The following PTPN14 variants were observed in gnomAD, a reference collection of about 807,000 sequenced individuals.
The protein encoded by PTPN14 is tyrosine-protein phosphatase non-receptor type 14.
In PTPN14, 53 loss-of-function variants were observed where a neutral mutation model predicts 126.8. The ratio of observed to expected loss-of-function variants is 0.42; its 90% CI spans 0.34 to 0.53. The LOEUF (loss-of-function observed/expected upper bound fraction) is 0.53. PTPN14 is among the 20% of genes least tolerant of loss of function. PTPN14 has a pLI of 0.08. For synonymous variants in PTPN14, 630 were observed against 599.3 expected (o/e 1.05, Z -0.75); for missense variants, 1,257 against 1,552.9 (o/e 0.81, Z 3.20).
intron 2 of PTPN14, among the ~76,000 whole-genome samples, chr1:214,453,500 C>T (rs1338004205): frequency 6.6e-6 from 1 of 152,160 alleles, no homozygotes; most frequent in Non-Finnish European, 1.5e-5. Context: ...ACAACTTTTG[C>T]CCACAGGCTC....
chr1:214,433,628 G>C (rs757134439), intron 3 of PTPN14, among the ~76,000 whole-genome samples: 1 of 151,770 alleles, frequency 6.6e-6, no homozygotes, highest in Non-Finnish European at 1.5e-5. Flanking sequence ...CAAGCAGAGG[G>C]GCCATAAATA....
intron 1 of PTPN14, chr1:214,533,270 C>T (rs1011207903): frequency 4.9e-6 from 3 of 608,288 alleles, no homozygotes; most frequent in African/African-American, 3.6e-5. Context: ...GAGTGCGAGG[C>T]CCTGCTGAAC....
Position 214,383,907 on chromosome 1 carries a change from C to A in PTPN14, c.1948G>T (p.Val650Leu), listed in dbSNP as rs765218938. The A allele has an allele frequency of 6.2e-7, 1 of 1,613,446 alleles. No homozygotes were observed. Among genetic ancestry groups the A allele is most frequent in the South Asian group, 1.1e-5 (1 of 91,082 alleles). ...RHSLEVMNSM[V>L]RGMEAMTLKS... ...AGCGTCATGGCCTCCATGCCCCGCA[C>A]CATGCTGTTCATCACCTCCAGGCTG... is the stretch of plus-strand genomic sequence containing the variant. Residue 650 changes from valine (V) to leucine (L), a missense_variant, in exon 13 of 19, where the codon GTG becomes TTG. Val to Leu is a conservative substitution (Grantham distance 32). Transcript: ENST00000366956. The surrounding 1 kb of genome is among the most constrained non-coding windows in gnomAD (Gnocchi z 4.4).
chr1:214,418,241 G>A (rs964492346), intron 3 of PTPN14, among the ~76,000 whole-genome samples: 1 of 152,206 alleles, frequency 6.6e-6, no homozygotes, highest in Admixed American at 6.5e-5. Context: ...AAAGACAGCT[G>A]GGAACAGAGC....
chr1:214,465,326 G>C (rs1027701323), intron 1 of PTPN14, among the ~76,000 whole-genome samples: 3 of 152,136 alleles, frequency 2.0e-5, no homozygotes, highest in African/African-American at 7.2e-5. Context: ...AAAGTGTTAG[G>C]AGGCTGGGCG....
intron 3 of PTPN14, among the ~76,000 whole-genome samples, chr1:214,428,979 CTTG>C (rs1659738491): frequency 6.6e-6 from 1 of 152,166 alleles, no homozygotes; most frequent in South Asian, 2.1e-4. Flanking sequence ...TCTGAAGTTT[CTTG>C]TTTCTATGAA....
chr1:214,412,875 A>T (rs1659340566), intron 4 of PTPN14, among the ~76,000 whole-genome samples: 1 of 152,018 alleles, frequency 6.6e-6, no homozygotes, highest in Non-Finnish European at 1.5e-5. Flanking sequence ...TTATTTATTT[A>T]TTTACTTTTT....
intron 7 of PTPN14, among the ~76,000 whole-genome samples, chr1:214,400,209 CT>C (rs1658983267): frequency 6.6e-6 from 1 of 152,208 alleles, no homozygotes; most frequent in African/African-American, 2.4e-5. Context: ...TGCATATTTT[CT>C]TGTCTGCTTT....
intron 4 of PTPN14, among the ~76,000 whole-genome samples, chr1:214,413,711 C>G (rs1481357069): frequency 6.6e-6 from 1 of 152,296 alleles, no homozygotes; most frequent in Admixed American, 6.5e-5. Flanking sequence ...CTTTGTCACC[C>G]AGGCTGGAGT....
intron 4 of PTPN14, among the ~76,000 whole-genome samples, chr1:214,412,880 C>T (rs1437821805): frequency 1.3e-5 from 2 of 152,016 alleles, no homozygotes; most frequent in Non-Finnish European, 2.9e-5. Flanking sequence ...TATTTATTTA[C>T]TTTTTTAGAG....
At position 214,354,108 on chromosome 1, in the gene PTPN14, C is replaced by G. The variant is rs1482141062; in HGVS notation, c.*3814G>C. The G allele has an allele frequency of 6.6e-6, 1 of 152,196 alleles. No individual in the cohort carries two copies. Among genetic ancestry groups the G allele is most frequent in the Non-Finnish European group, 1.5e-5 (1 of 68,042 alleles). 9.4% of individuals were successfully genotyped at this position (152,196 alleles called of 1,614,324 possible). ...AGCCATGGTCAAGTCCTACAAGGCCCACCCTCAGCAGTCTACAAAGACCCT... is the reference window on the plus strand; with the variant it reads ...AGCCATGGTCAAGTCCTACAAGGCCGACCCTCAGCAGTCTACAAAGACCCT... On this transcript the variant is annotated 3_prime_UTR_variant, in exon 19 of 19. Transcript: ENST00000366956.
rs764865961 is a variant in PTPN14, at chr1:214,384,197, T to C, written c.1658A>G (p.Tyr553Cys). 7 of 1,610,852 alleles carry C rather than the reference T, an allele frequency of 4.3e-6. No homozygotes were observed. The highest frequency in any genetic ancestry group is 4.5e-5 in the East Asian group (2 of 44,878). Residue 553 changes from tyrosine to cysteine, a missense_variant, in exon 13 of 19, where the codon TAC becomes TGC. Transcript: ENST00000366956. The surrounding 1 kb of genome is among the most constrained non-coding windows in gnomAD (Gnocchi z 5.3). ...ANMQLQGSHN[Y>C]STAHMLKNYL... is the part of the protein sequence containing the mutation. ...GTTCTTAAGCATGTGGGCCGTGCTG[T>C]AGTTATGGCTGCCCTGCAGCTGCAT...
At position 214,366,983 on chromosome 1, in the gene PTPN14, C is replaced by CA. The variant is rs60761312; in HGVS notation, c.3272-2309dup. On this transcript the variant is annotated intron_variant, in intron 17 of 18. Transcript: ENST00000366956. ...TGGGTGACAGAGTGAGACTCCATCT[C>CA]AAAAAAAAAAAAAAAAATACTATGT... is the stretch of plus-strand genomic sequence containing the variant. Among the ~76,000 whole-genome samples, 329 of 125,396 alleles carry CA rather than the reference C, an allele frequency of 2.6e-3. 2 individuals carry two copies. Among genetic ancestry groups the CA allele is most frequent in the African/African-American group, 8.3e-3 (275 of 33,004 alleles). The allele number at this position is 125,396 out of a possible 152,430, so 82.3% of individuals were successfully genotyped here.
At chr1:214,397,589 G>A (rs971208110) in intron 8 of PTPN14, among the ~76,000 whole-genome samples, 1 of 152,204 alleles carries the variant, frequency 6.6e-6, no homozygotes. Context: ...TGGCACAGGT[G>A]GTTCAGAACA....
chr1:214,398,089 T>G (rs1197499991), intron 7 of PTPN14, 88 bp from the exon 8 acceptor site: 1 of 1,063,248 alleles, frequency 9.4e-7, no homozygotes, highest in African/African-American at 1.6e-5. Flanking sequence ...TCGACCTGAG[T>G]GTCCATCCAC....
chr1:214,469,682 T>C (rs1660711028), intron 1 of PTPN14, among the ~76,000 whole-genome samples: 1 of 151,650 alleles, frequency 6.6e-6, no homozygotes, highest in Non-Finnish European at 1.5e-5. Context: ...AAGAGAAAGG[T>C]CCATTAAAAA....
intron 1 of PTPN14, chr1:214,532,768 C>T (rs76165241): frequency 0.024 from 20,152 of 825,694 alleles, 1,525 homozygotes; most frequent in East Asian, 0.24. Flanking sequence ...TGTCACTTGG[C>T]CACAGCTGGA....
At chr1:214,405,902 T>C (rs564650016) in intron 5 of PTPN14, among the ~76,000 whole-genome samples, 1 of 152,260 alleles carries the variant, frequency 6.6e-6, no homozygotes, top group African/African-American at 2.4e-5. Flanking sequence ...CAAAGTCATA[T>C]AGCCAATAAG....
Position 214,383,450 on chromosome 1 carries a change from G to A in PTPN14, c.2405C>T (p.Ala802Val). Residue 802 changes from alanine to valine, a missense_variant, in exon 13 of 19, where the codon GCC becomes GTC. Transcript: ENST00000366956. This position sits in a 1 kb window ranked among gnomAD's most constrained non-coding sequence, Gnocchi z 4.4. ...SRTDPPAVNGASLGPSISEPD... is the reference protein window; with the variant it reads ...SRTDPPAVNGVSLGPSISEPD... ...TTCCGAGATGGATGGGCCGAGAGAGGCCCCGTTGACAGCCGGCGGGTCAGT... is the reference window on the plus strand; with the variant it reads ...TTCCGAGATGGATGGGCCGAGAGAGACCCCGTTGACAGCCGGCGGGTCAGT... The A allele has an allele frequency of 1.2e-6, 2 of 1,614,254 alleles. No individual in the cohort carries two copies. Among genetic ancestry groups the A allele is most frequent in the Non-Finnish European group, 1.7e-6 (2 of 1,180,054 alleles).
Sources: gnomAD v4.1 joint callset for allele counts (sites outside exome capture counted in the v4.1 genomes callset) on GRCh38, gnomAD v4.1.1 for gene constraint, Gnocchi (gnomAD v3.1) non-coding constraint, MANE v1.5 for transcripts, NCBI Gene and HGNC (gene_info 2026-07-23, HGNC 2026-07-21) for gene names.